Variants in ENKUR observed in about 807,000 individuals in gnomAD.
The protein encoded by ENKUR is enkurin, TRPC channel interacting protein, also known as enkurin.
ENKUR carries 19 observed loss-of-function variants against 27.6 expected under a neutral mutation model. The ratio of observed to expected loss-of-function variants is 0.69; its 90% CI spans 0.48 to 1.01. The LOEUF is 1.01. Ranked by LOEUF, ENKUR falls within the 50% of genes least tolerant of loss-of-function variation. The probability of loss-of-function intolerance (pLI) is 0.00; values close to 1 mark genes in which losing one functional copy is unlikely to be tolerated. For missense variants in ENKUR, 312 were observed against 310.5 expected (o/e 1.00, Z -0.04); for synonymous variants, 117 against 96.9 (o/e 1.21, Z -1.22).
chr10:25,026,065 G>C (rs909663955), intron 2 of ENKUR: 8 of 153,940 alleles, frequency 5.2e-5, no homozygotes, highest in African/African-American at 1.9e-4. Context: ...TTTTAATAGA[G>C]ATGAGGTTTC....
intron 2 of ENKUR, chr10:25,024,775 G>A: frequency 3.7e-6 from 6 of 1,614,168 alleles, no homozygotes; most frequent in Non-Finnish European, 5.1e-6. Context: ...TTTAGCAGCA[G>A]TGTATGCCAA....
rs201909752 is a variant in ENKUR, at chr10:24,984,855, C to T, written c.645G>A (p.Ser215=). 1.3e-5 allele frequency: 21 copies of T among 1,613,460 alleles called. No homozygotes were observed. The highest frequency in any genetic ancestry group is 4.5e-5 in the East Asian group (2 of 44,834). The change falls in exon 5 of 6, where the codon TCG becomes TCA. Residue 215 remains serine, a synonymous_variant. Transcript: ENST00000331161. ...EEVHKEFQSL[S]VFIDSIPKKI... is the part of the protein sequence containing the mutation. ...TCTTTGGTATAGAATCTATAAAGAC[C>T]GAGAGGGACTGGAATTCTTTATGCA... is the stretch of plus-strand genomic sequence containing the variant.
intron 2 of ENKUR, chr10:25,025,872 C>T (rs1850841117): frequency 5.8e-6 from 1 of 170,956 alleles, no homozygotes; most frequent in Admixed American, 6.3e-5. Context: ...AAATGGCTAA[C>T]TTGAATGGAG....
rs34059986 is a variant in ENKUR, at chr10:24,998,358, CCTCTCT to C, written c.223+1037_223+1042del. Among the ~76,000 whole-genome samples, 15 of 117,410 alleles carry C rather than the reference CCTCTCT, an allele frequency of 1.3e-4. No individual in the cohort carries two copies. The East Asian group carries it at 1.6e-3, about 12-fold the overall frequency. The allele number at this position is 117,410 out of a possible 152,430, so 77.0% of individuals were successfully genotyped here. The stretch of plus-strand genomic sequence containing the variant: ...CCCTCTCTCCCTCCCTTCCTTCCTT[CCTCTCT>C]CTCTCTCTCTCTCTCTCTTTCTTTT... On this transcript the variant is annotated intron_variant, in intron 2 of 5. Coordinates refer to ENST00000331161, the MANE Select transcript of ENKUR (RefSeq NM_145010.4).
intron 2 of ENKUR, among the ~76,000 whole-genome samples, chr10:25,034,076 T>G (rs1157863936): frequency 1.3e-5 from 2 of 152,118 alleles, no homozygotes; most frequent in Non-Finnish European, 2.9e-5. Flanking sequence ...CAACCATAGG[T>G]TAACTATGAA....
intron 1 of ENKUR, among the ~76,000 whole-genome samples, chr10:25,004,301 G>T (rs1850262357): frequency 6.6e-6 from 1 of 152,144 alleles, no homozygotes. Flanking sequence ...CCAGTTATGG[G>T]ATTGCTGGGT....
chr10:25,031,800 CTT>C (rs34772445), intron 2 of ENKUR, among the ~76,000 whole-genome samples: 107 of 130,144 alleles, frequency 8.2e-4, no homozygotes, highest in Admixed American at 1.3e-3. Context: ...ATACAAAAGT[CTT>C]TTTTTTTTTT....
At chr10:25,018,526 AGTT>A (rs1850655090), upstream of ENKUR, among the ~76,000 whole-genome samples, 1 of 152,226 alleles carries the variant, frequency 6.6e-6, no homozygotes, top group South Asian at 2.1e-4. Flanking sequence ...GAATGACTGA[AGTT>A]GTGCTTCAAA....
chr10:25,001,290 T>C (rs1850184437), intron 1 of ENKUR, among the ~76,000 whole-genome samples: 1 of 151,414 alleles, frequency 6.6e-6, no homozygotes, highest in South Asian at 2.1e-4. Flanking sequence ...ATAATTTTTC[T>C]TTTTTTTCCT....
chr10:24,986,973 G>T (rs1210103872), intron 4 of ENKUR, among the ~76,000 whole-genome samples: 2 of 152,072 alleles, frequency 1.3e-5, no homozygotes, highest in African/African-American at 4.8e-5. Flanking sequence ...CTTATAATAA[G>T]AAGTTTTCAG....
At chr10:25,009,326 G>C (rs568245985) in intron 1 of ENKUR, among the ~76,000 whole-genome samples, 2 of 152,050 alleles carry the variant, frequency 1.3e-5, no homozygotes, top group Non-Finnish European at 2.9e-5. Flanking sequence ...GAGTTGTAGA[G>C]AGAATTTTTA....
intron 2 of ENKUR, among the ~76,000 whole-genome samples, chr10:25,054,778 A>C (rs1167456349): frequency 4.0e-5 from 6 of 149,570 alleles, no homozygotes; most frequent in Admixed American, 4.0e-4. Flanking sequence ...GACCTACTAG[A>C]CTCAGGTCCC....
At chr10:25,015,631 A>G (rs1380682845) in intron 1 of ENKUR, among the ~76,000 whole-genome samples, 2 of 152,236 alleles carry the variant, frequency 1.3e-5, no homozygotes, top group Admixed American at 1.3e-4. Context: ...TAAGTGTAAT[A>G]TAATAAAATG....
At chr10:25,044,433 G>A (rs1330146979) in intron 2 of ENKUR, among the ~76,000 whole-genome samples, 4 of 152,072 alleles carry the variant, frequency 2.6e-5, no homozygotes, top group African/African-American at 9.7e-5. Flanking sequence ...GTTTCACTCG[G>A]TCACCCAGGC....
At chr10:25,031,600 T>G (rs936375340) in intron 2 of ENKUR, among the ~76,000 whole-genome samples, 5 of 152,200 alleles carry the variant, frequency 3.3e-5, no homozygotes, top group African/African-American at 1.2e-4. Context: ...TTCTCTAGAA[T>G]TTTTCTTTCC....
intron 3 of ENKUR, among the ~76,000 whole-genome samples, chr10:24,990,867 G>T (rs187711929): frequency 7.0e-6 from 1 of 143,132 alleles, no homozygotes; most frequent in Non-Finnish European, 1.5e-5. Context: ...GCTGAGGGGT[G>T]GGGGGGTGGA....
intron 3 of ENKUR, among the ~76,000 whole-genome samples, chr10:24,992,145 A>C (rs1269720412): frequency 5.3e-5 from 8 of 152,234 alleles, no homozygotes; most frequent in Admixed American, 6.5e-5. Context: ...CCTTCTTCAA[A>C]AGATGTTTGA....
intron 3 of ENKUR, among the ~76,000 whole-genome samples, chr10:24,992,842 G>T (rs1849955305): frequency 6.6e-6 from 1 of 152,184 alleles, no homozygotes; most frequent in African/African-American, 2.4e-5. Flanking sequence ...TGGGAGGCCA[G>T]TATTCTGGTC....
At chr10:25,056,064 T>C (rs1335731426) in intron 2 of ENKUR, among the ~76,000 whole-genome samples, 5 of 152,228 alleles carry the variant, frequency 3.3e-5, no homozygotes, top group Admixed American at 6.5e-5. Context: ...TTCCTGACTG[T>C]CTTTATCTCC....
Sources: gnomAD v4.1 joint callset for allele counts (sites outside exome capture counted in the v4.1 genomes callset) on GRCh38, gnomAD v4.1.1 for gene constraint, MANE v1.5 for transcripts, NCBI Gene and HGNC (gene_info 2026-07-23, HGNC 2026-07-21) for gene names.